The following MRPL48 variants were observed in gnomAD, a reference collection of about 807,000 sequenced individuals.
MRPL48 encodes the protein large ribosomal subunit protein mL48.
In MRPL48, 16 loss-of-function variants were observed where a neutral mutation model predicts 32.9. The observed-to-expected ratio is 0.49, with a 90% CI of 0.33 to 0.74. The LOEUF (loss-of-function observed/expected upper bound fraction) is 0.74. MRPL48 is among the 30% of genes least tolerant of loss of function. The pLI is 0.02. For synonymous variants in MRPL48, 94 were observed against 89.2 expected (o/e 1.05, Z -0.31); for missense variants, 206 against 245.3 (o/e 0.84, Z 1.07).
chr11:73,848,889 G>T (rs1467758777), intron 5 of MRPL48, among the ~76,000 whole-genome samples: 3 of 151,608 alleles, frequency 2.0e-5, no homozygotes, highest in African/African-American at 7.3e-5. Context: ...GCGTGATCTC[G>T]GCTCACTGCT....
intron 6 of MRPL48, among the ~76,000 whole-genome samples, chr11:73,861,371 T>C (rs1948582097): frequency 6.6e-6 from 1 of 151,998 alleles, no homozygotes; most frequent in Non-Finnish European, 1.5e-5. Flanking sequence ...TTTTTTTGTT[T>C]GTTTGTTTGT....
chr11:73,800,610 G>C (rs961755355), intron 1 of MRPL48, among the ~76,000 whole-genome samples: 68 of 152,128 alleles, frequency 4.5e-4, no homozygotes, highest in Admixed American at 1.2e-3. Flanking sequence ...TCTTCCACTT[G>C]CAGGGCCAGA....
chr11:73,813,715 C>T (rs1003460470), intron 3 of MRPL48, among the ~76,000 whole-genome samples: 4 of 151,916 alleles, frequency 2.6e-5, no homozygotes, highest in African/African-American at 9.7e-5. Context: ...TTGTTTCATG[C>T]TTAAAAAGGT....
chr11:73,798,797 C>T (rs1333739617), intron 1 of MRPL48, among the ~76,000 whole-genome samples: 1 of 151,910 alleles, frequency 6.6e-6, no homozygotes, highest in African/African-American at 2.4e-5. Flanking sequence ...GGAGACCAGC[C>T]TGGCCAACAT....
chr11:73,800,655 A>C (rs537347220), intron 1 of MRPL48, among the ~76,000 whole-genome samples: 2 of 152,184 alleles, frequency 1.3e-5, no homozygotes, highest in Admixed American at 1.3e-4. Context: ...AGGAGAGGGT[A>C]ATTGTAGATA....
At chr11:73,860,383 T>C (rs1948564949) in intron 6 of MRPL48, 1 of 156,348 alleles carries the variant, frequency 6.4e-6, no homozygotes, top group Admixed American at 6.5e-5. Flanking sequence ...GATTTTCCTC[T>C]TTTTCTGTAA....
rs551690713 is a variant in MRPL48, at chr11:73,794,277, C to T, written c.21+6285C>T. ...TAAATAAAATTAAATAAATCAAGGC[C>T]GGGCATGGTGGCTCACGCCTGTACT... is the stretch of plus-strand genomic sequence containing the variant. On this transcript the variant is annotated intron_variant, in intron 1 of 7. Transcript: ENST00000310614. 1.1e-4 allele frequency among the ~76,000 whole-genome samples: 17 copies of T among 151,274 alleles called. No homozygotes were observed. In the South Asian group the frequency reaches 3.1e-3, roughly 28 times the overall value.
intron 4 of MRPL48, among the ~76,000 whole-genome samples, chr11:73,836,981 T>TC (rs1197489385): frequency 6.6e-6 from 1 of 152,192 alleles, no homozygotes; most frequent in Non-Finnish European, 1.5e-5. Flanking sequence ...TCCATATGTC[T>TC]CTCAAGTGTA....
intron 4 of MRPL48, among the ~76,000 whole-genome samples, chr11:73,829,490 C>T (rs1947955563): frequency 6.6e-6 from 1 of 152,036 alleles, no homozygotes; most frequent in African/African-American, 2.4e-5. Flanking sequence ...CTCAGCTTCT[C>T]AGTAGCTGGG....
chr11:73,798,208 C>T (rs1275711749), intron 1 of MRPL48, among the ~76,000 whole-genome samples: 1 of 151,908 alleles, frequency 6.6e-6, no homozygotes, highest in African/African-American at 2.4e-5. Flanking sequence ...CTCCCGAGTA[C>T]CTGGGATTAC....
intron 5 of MRPL48, among the ~76,000 whole-genome samples, chr11:73,852,245 C>G (rs550804771): frequency 6.6e-6 from 1 of 152,216 alleles, no homozygotes; most frequent in South Asian, 2.1e-4. Flanking sequence ...AGGCTGTTCA[C>G]TGGCAGCTTG....
At chr11:73,808,560 A>G (rs1232237581) in intron 3 of MRPL48, among the ~76,000 whole-genome samples, 1 of 152,218 alleles carries the variant, frequency 6.6e-6, no homozygotes, top group Non-Finnish European at 1.5e-5. Context: ...TTGGATTCCA[A>G]CTGTACTACA....
At chr11:73,789,963 A>G (rs1947118086) in intron 1 of MRPL48, among the ~76,000 whole-genome samples, 2 of 151,780 alleles carry the variant, frequency 1.3e-5, no homozygotes, top group Admixed American at 1.3e-4. Flanking sequence ...TGGTGCAGTC[A>G]TAGTTTACTA....
At chr11:73,859,625 A>G (rs1948548692) in intron 5 of MRPL48, among the ~76,000 whole-genome samples, 1 of 151,830 alleles carries the variant, frequency 6.6e-6, no homozygotes, top group South Asian at 2.1e-4. Context: ...GCAACAAATT[A>G]TTTATTATTA....
intron 4 of MRPL48, among the ~76,000 whole-genome samples, chr11:73,828,325 A>G (rs1271158189): frequency 6.6e-6 from 1 of 151,712 alleles, no homozygotes; most frequent in Non-Finnish European, 1.5e-5. Context: ...CCTGGGCTCA[A>G]GAGAGCCTCC....
chr11:73,798,017 C>A (rs745934966), intron 1 of MRPL48, among the ~76,000 whole-genome samples: 1 of 152,198 alleles, frequency 6.6e-6, no homozygotes, highest in South Asian at 2.1e-4. Context: ...CAAAGGCAGA[C>A]TTTGATAATC....
intron 4 of MRPL48, among the ~76,000 whole-genome samples, chr11:73,840,426 C>T (rs561979467): frequency 1.3e-5 from 2 of 152,046 alleles, no homozygotes; most frequent in African/African-American, 2.4e-5. Context: ...CCTAGGAGGT[C>T]GAGGCTGCAG....
rs763781166 is a variant in MRPL48 at position 73,825,732 on chromosome 11, G to A, written c.137G>A (p.Arg46Gln). ...SVGGILLSIS[R>Q]PYKTKPTHGI... is the part of the protein sequence containing the mutation. ...GGTGGAATTCTACTAAGTATCAGTC[G>A]GCCCTACAAGACAAAGCCCACCCAC... The change falls in exon 4 of 8, where the codon CGG (arginine) becomes CAG (glutamine). Residue 46 changes from arginine (R) to glutamine (Q), a missense_variant. By Grantham distance (43) the Arg-to-Gln change is conservative (BLOSUM62 1). Coordinates refer to ENST00000310614, the MANE Select transcript of MRPL48 (RefSeq NM_016055.6). 1.6e-5 allele frequency: 25 copies of A among 1,566,284 alleles called. No individual in the cohort carries two copies. The East Asian group carries it at 3.1e-4, about 19-fold the overall frequency.
At chr11:73,856,499 G>A (rs1353588617) in intron 5 of MRPL48, among the ~76,000 whole-genome samples, 1 of 152,028 alleles carries the variant, frequency 6.6e-6, no homozygotes, top group East Asian at 1.9e-4. Context: ...CCCTTAATTT[G>A]CCTGCATCCT....
Sources: allele counts gnomAD v4.1 joint callset (sites outside exome capture counted in the v4.1 genomes callset), GRCh38; gene constraint gnomAD v4.1.1; transcripts MANE v1.5; gene names NCBI Gene and HGNC (gene_info 2026-07-23, HGNC 2026-07-21).